The following TUBGCP6 variants were observed in gnomAD, a reference collection of about 807,000 sequenced individuals.
TUBGCP6 encodes tubulin gamma complex component 6, also known as gamma-tubulin complex component 6.
Under a neutral mutation model 175.8 loss-of-function variants are expected in TUBGCP6, and 161 were observed. The observed-to-expected ratio is 0.92, with a 90% CI of 0.81 to 1.04. The LOEUF is 1.04. TUBGCP6 is among the 50% of genes least tolerant of loss of function. TUBGCP6 has a pLI of 0.00. For synonymous variants in TUBGCP6, 1,173 were observed against 1,030.5 expected (o/e 1.14, Z -2.65); for missense variants, 2,572 against 2,433.0 (o/e 1.06, Z -1.20).
rs2064901345 is a variant in TUBGCP6, at chr22:50,244,919, C to G, written c.-460G>C. On this transcript the variant is annotated 5_prime_UTR_variant, in exon 1 of 25. Coordinates refer to ENST00000248846, the MANE Select transcript of TUBGCP6 (RefSeq NM_020461.4). ...GTCTGGGGGCTCAGCCGGGTGGGTC[C>G]CGGGTTCTGGCCTGCACGTCCACCC... The G allele has an allele frequency of 4.7e-6, 1 of 210,894 alleles. No homozygotes were observed. The highest frequency in any genetic ancestry group is 9.6e-6 in the Non-Finnish European group (1 of 104,036). The allele number at this position is 210,894 out of a possible 1,614,324, so 13.1% of individuals were successfully genotyped here.
intron 5 of TUBGCP6, among the ~76,000 whole-genome samples, chr22:50,227,680 G>A (rs1049747129): frequency 1.3e-5 from 2 of 152,194 alleles, no homozygotes; most frequent in East Asian, 1.9e-4. Flanking sequence ...AGGAGCCACC[G>A]GACCTGGAGG....
In TUBGCP6 at chr22:50,241,983, C is replaced by CAAAAAAAA. The variant is rs55647714; in HGVS notation, c.742-1624_742-1617dup. Among the ~76,000 whole-genome samples the CAAAAAAAA allele has an allele frequency of 3.6e-4, 33 of 92,778 alleles. 2 individuals are homozygous for CAAAAAAAA. Among genetic ancestry groups the CAAAAAAAA allele is most frequent in the South Asian group, 1.6e-3 (5 of 3,052 alleles). 60.9% of individuals were successfully genotyped at this position (92,778 alleles called of 152,430 possible). On this transcript the variant is annotated intron_variant, in intron 1 of 24. Transcript: ENST00000248846. ...CTGGTCCCTACACAAGACTCCATCT[C>CAAAAAAAA]AAAAAAAAAAAAAAAAAAAAAAAAA...
intron 14 of TUBGCP6, 101 bp downstream of exon 14, chr22:50,222,353 G>A (rs2064541368): frequency 6.5e-7 from 1 of 1,529,884 alleles, no homozygotes; most frequent in African/African-American, 1.4e-5. Flanking sequence ...AAAGCCACCA[G>A]CCCTCTCCTA....
intron 2 of TUBGCP6, among the ~76,000 whole-genome samples, chr22:50,234,719 G>C (rs1318662177): frequency 9.3e-6 from 1 of 107,176 alleles, no homozygotes; most frequent in Admixed American, 1.0e-4. Flanking sequence ...CACACCCCCT[G>C]TCCACGGCAG....
rs2064453770 is a variant in TUBGCP6, at chr22:50,218,368, G to A, written c.4989C>T (p.Phe1663=). 6.2e-7 allele frequency: 1 copy of A among 1,613,068 alleles called. No individual in the cohort carries two copies. The highest frequency in any genetic ancestry group is 8.5e-7 in the Non-Finnish European group (1 of 1,179,964). ...CGTGCTTGAACAGCTGCAGCTGACG[G>A]AACTGCACAGAGCCGGCCATGTGGC... is the stretch of plus-strand genomic sequence containing the variant. ...LLSHMAGSVQ[F]RQLQLFKHEM... Residue 1663 remains phenylalanine, a synonymous_variant, in exon 23 of 25, where the codon TTC becomes TTT. Coordinates refer to ENST00000248846, the MANE Select transcript of TUBGCP6 (RefSeq NM_020461.4).
Position 50,226,048 on chromosome 22 carries a change from A to G in TUBGCP6, c.1833+2T>C, listed in dbSNP as rs746174488. ...CTTCCCCACACATGAGCCCCTCCTC[A>G]CCCGGGGGCAGCAGAGCTTCAGCAG... On this transcript the variant is annotated splice_donor_variant, in intron 9 of 24. Coordinates refer to ENST00000248846, the MANE Select transcript of TUBGCP6 (RefSeq NM_020461.4). LOFTEE classifies it high-confidence loss of function. 6.2e-7 allele frequency: 1 copy of G among 1,613,978 alleles called. No homozygotes were observed. Among genetic ancestry groups the G allele is most frequent in the South Asian group, 1.1e-5 (1 of 91,068 alleles).
chr22:50,235,193 T>G (rs1285074422), intron 2 of TUBGCP6, among the ~76,000 whole-genome samples: 2 of 23,620 alleles, frequency 8.5e-5, no homozygotes, highest in Non-Finnish European at 1.4e-4. Context: ...CACGGCAGCA[T>G]CATCCACATC....
intron 3 of TUBGCP6, among the ~76,000 whole-genome samples, chr22:50,231,660 C>G (rs1305164903): frequency 6.6e-6 from 1 of 151,560 alleles, no homozygotes; most frequent in Non-Finnish European, 1.5e-5. Context: ...GAGATCAAGA[C>G]CATCCTGGCT....
At chr22:50,233,884 T>C (rs2064726063) in intron 2 of TUBGCP6, among the ~76,000 whole-genome samples, 1 of 152,052 alleles carries the variant, frequency 6.6e-6, no homozygotes, top group Non-Finnish European at 1.5e-5. Context: ...AGTATTCTTC[T>C]GTTAGAAACA....
At chr22:50,222,236 G>A in intron 14 of TUBGCP6, 134 bp from the exon 15 acceptor site, 3 of 1,168,766 alleles carry the variant, frequency 2.6e-6, no homozygotes, top group Non-Finnish European at 3.6e-6. Flanking sequence ...GGGCTCCAGT[G>A]GGACGCTGGG....
rs1224422920 is a variant in TUBGCP6, at chr22:50,227,990, G to A, written c.1329C>T (p.Tyr443=). The A allele has an allele frequency of 5.7e-6, 9 of 1,570,200 alleles. No individual in the cohort carries two copies. Among genetic ancestry groups the A allele is most frequent in the South Asian group, 1.2e-5 (1 of 85,288 alleles). ...GCGGAGTGGAAAGGACGCAGGCCCG[G>A]TAATACTGCAGGTACCTCCTCAGGC... ...TSGLRRYLQY[Y]RACVLSTPPT... Residue 443 remains tyrosine, a synonymous_variant, in exon 5 of 25, where the codon TAC becomes TAT. Coordinates refer to ENST00000248846, the MANE Select transcript of TUBGCP6 (RefSeq NM_020461.4).
chr22:50,239,571 C>T (rs2064815480), intron 2 of TUBGCP6, among the ~76,000 whole-genome samples: 1 of 152,198 alleles, frequency 6.6e-6, no homozygotes, highest in Non-Finnish European at 1.5e-5. Flanking sequence ...GCCTCTGGAC[C>T]CAGGTGAGCC....
rs184568776 is a variant in TUBGCP6 at position 50,237,044 on chromosome 22, A to C, written c.905+3160T>G. On this transcript the variant is annotated intron_variant, in intron 2 of 24. Transcript: ENST00000248846. ...GCCCCAACAGGTCCCCAGAGAGAAC[A>C]CAACCCAAAATGTAGCAAAATGCTT... Among the ~76,000 whole-genome samples the C allele has an allele frequency of 3.4e-3, 514 of 152,352 alleles. 1 individual carries two copies. The highest frequency in any genetic ancestry group is 0.012 in the African/African-American group (489 of 41,578).
At chr22:50,243,219 G>A (rs2064861452) in intron 1 of TUBGCP6, among the ~76,000 whole-genome samples, 1 of 152,124 alleles carries the variant, frequency 6.6e-6, no homozygotes, top group Non-Finnish European at 1.5e-5. Context: ...GGAGGCCGAG[G>A]CAGGCGGATC....
intron 2 of TUBGCP6, among the ~76,000 whole-genome samples, chr22:50,238,986 C>G (rs1434564522): frequency 6.6e-6 from 1 of 152,168 alleles, no homozygotes; most frequent in Non-Finnish European, 1.5e-5. Context: ...GGAAAGCTCG[C>G]CCACCCGGGG....
rs776040497 is a variant in TUBGCP6 at position 50,229,542 on chromosome 22, G to A, written c.1152C>T (p.His384=). 5.1e-5 allele frequency: 81 copies of A among 1,602,426 alleles called. No individual in the cohort carries two copies. The highest frequency in any genetic ancestry group is 1.6e-4 in the East Asian group (7 of 44,264). Residue 384 remains histidine, a synonymous_variant, in exon 4 of 25, where the codon CAC becomes CAT. Transcript: ENST00000248846. ...AQAFVVKRGV[H]VSGASPESIS... Reference sequence around the variant, plus strand: ...TGCTCTCGGGAGACGCTCCTGACACGTGGACGCCCCGCTTCACCACAAAGG... The same window carrying A: ...TGCTCTCGGGAGACGCTCCTGACACATGGACGCCCCGCTTCACCACAAAGG...
Position 50,233,413 on chromosome 22 carries a change from T to C in TUBGCP6, c.1019A>G (p.Gln340Arg). ...ELQLLAGGVL[Q>R]APQPVLVKEC... ...CTTCACCAGCACGGGCTGCGGGGCC[T>C]GTAGGACGCCCCCAGCAAGCAGCTG... The change falls in exon 3 of 25, where the codon CAG (glutamine) becomes CGG (arginine). Residue 340 changes from glutamine (Q) to arginine (R), a missense_variant. Physicochemically the swap from Gln to Arg is conservative, Grantham distance 43. Transcript: ENST00000248846. 6.2e-7 allele frequency: 1 copy of C among 1,613,958 alleles called. No individual in the cohort carries two copies. The highest frequency in any genetic ancestry group is 1.1e-5 in the South Asian group (1 of 91,074).
chr22:50,218,195 A>G lies in TUBGCP6; in HGVS notation c.5162T>C (p.Val1721Ala). The G allele has an allele frequency of 6.2e-7, 1 of 1,611,632 alleles. No homozygotes were observed. The change falls in exon 23 of 25, where the codon GTC becomes GCC. Residue 1721 changes from valine (V) to alanine (A), a missense_variant. Val to Ala is a moderately conservative substitution (Grantham distance 64). Transcript: ENST00000248846. ...RAHAEYLHKA[V>A]FRGLLTEKAA... ...GCCGCTGCCCAGGCCTCACCTGAAG[A>G]CGGCCTTGTGCAGGTACTCTGCGTG...
intron 10 of TUBGCP6, among the ~76,000 whole-genome samples, chr22:50,224,857 G>A (rs764889553): frequency 1.3e-5 from 2 of 152,166 alleles, no homozygotes; most frequent in East Asian, 1.9e-4. Flanking sequence ...GGTGGAGGCT[G>A]CAGTGAGCCA....
Sources: gnomAD v4.1 joint callset for allele counts (sites outside exome capture counted in the v4.1 genomes callset) on GRCh38, gnomAD v4.1.1 for gene constraint, MANE v1.5 for transcripts, NCBI Gene and HGNC (gene_info 2026-07-23, HGNC 2026-07-21) for gene names.